The following CCDC102B variants were observed in gnomAD, a reference collection of about 807,000 sequenced individuals.
CCDC102B encodes the protein coiled-coil domain-containing protein 102B.
CCDC102B carries 75 observed loss-of-function variants against 57.4 expected under a neutral mutation model. The observed-to-expected ratio is 1.31, with a 90% confidence interval of 1.08 to 1.58. The LOEUF is 1.58. CCDC102B is among the 40% of genes most tolerant of loss of function. The pLI is 0.00. For missense variants in CCDC102B, 636 were observed against 582.6 expected (o/e 1.09, Z -0.94); for synonymous variants, 206 against 201.9 (o/e 1.02, Z -0.17).
chr18:69,020,431 G>A (rs1457523651), intron 7 of CCDC102B, among the ~76,000 whole-genome samples: 1 of 152,048 alleles, frequency 6.6e-6, no homozygotes, highest in Non-Finnish European at 1.5e-5. Context: ...AAGGGTTAAA[G>A]TCGAATACAA....
chr18:68,737,700 G>T (rs952923561), intron 2 of CCDC102B, among the ~76,000 whole-genome samples: 1 of 152,152 alleles, frequency 6.6e-6, no homozygotes, highest in African/African-American at 2.4e-5. Context: ...CTTCTGCTCT[G>T]TCTCAATTAT....
chr18:68,893,299 T>C (rs1260242697), intron 5 of CCDC102B, among the ~76,000 whole-genome samples: 1 of 152,170 alleles, frequency 6.6e-6, no homozygotes, highest in Non-Finnish European at 1.5e-5. Flanking sequence ...AGGCAATCAG[T>C]CTAAAAGGAG....
chr18:68,885,668 G>C (rs888582978), intron 5 of CCDC102B, among the ~76,000 whole-genome samples: 6 of 151,738 alleles, frequency 4.0e-5, no homozygotes, highest in Admixed American at 2.0e-4. Flanking sequence ...TAATAATATA[G>C]ATTAGAATAG....
intron 4 of CCDC102B, among the ~76,000 whole-genome samples, chr18:68,854,970 T>A (rs890093459): frequency 6.6e-6 from 1 of 152,200 alleles, no homozygotes; most frequent in Non-Finnish European, 1.5e-5. Context: ...ATTTTGTCAG[T>A]GATTTGATTG....
chr18:68,858,604 T>G (rs1807946310), intron 4 of CCDC102B, among the ~76,000 whole-genome samples: 1 of 152,136 alleles, frequency 6.6e-6, no homozygotes, highest in Non-Finnish European at 1.5e-5. Context: ...GGAAAAGTAC[T>G]GGAGGATGTT....
chr18:68,823,828 CAT>C (rs957548834), intron 1 of CCDC102B, among the ~76,000 whole-genome samples: 1 of 152,018 alleles, frequency 6.6e-6, no homozygotes, highest in African/African-American at 2.4e-5. Flanking sequence ...CATCTTTTCA[CAT>C]GTTTGTTGAC....
intron 6 of CCDC102B, among the ~76,000 whole-genome samples, chr18:68,950,047 C>T (rs2145193593): frequency 6.6e-6 from 1 of 152,202 alleles, no homozygotes; most frequent in African/African-American, 2.4e-5. Context: ...TCTGTCTAAG[C>T]TGACAACCTA....
At chr18:68,870,856 T>G (rs1331505902) in intron 4 of CCDC102B, among the ~76,000 whole-genome samples, 10 of 152,204 alleles carry the variant, frequency 6.6e-5, no homozygotes, top group Non-Finnish European at 1.5e-5. Context: ...GGTTAAAATG[T>G]GAGGCAAAAT....
At chr18:68,802,522 A>G (rs1333229604) in intron 1 of CCDC102B, among the ~76,000 whole-genome samples, 1 of 152,170 alleles carries the variant, frequency 6.6e-6, no homozygotes, top group Non-Finnish European at 1.5e-5. Context: ...CTGATAATGT[A>G]GATTAATGGG....
At chr18:68,933,501 T>G (rs2145146937) in intron 6 of CCDC102B, among the ~76,000 whole-genome samples, 1 of 152,042 alleles carries the variant, frequency 6.6e-6, no homozygotes, top group South Asian at 2.1e-4. Context: ...CATTTGACTT[T>G]CTTGGGTATT....
chr18:68,817,694 A>T (rs1313983203), intron 1 of CCDC102B, among the ~76,000 whole-genome samples: 1 of 152,208 alleles, frequency 6.6e-6, no homozygotes, highest in Admixed American at 6.5e-5. Context: ...AAATGTTCTT[A>T]GTCATGTGTG....
intron 6 of CCDC102B, among the ~76,000 whole-genome samples, chr18:68,911,562 C>T (rs948151277): frequency 1.3e-4 from 19 of 149,808 alleles, no homozygotes; most frequent in Non-Finnish European, 2.2e-4. Context: ...ACCATCCTGG[C>T]TAACACGGTG....
At chr18:68,760,739 A>G (rs947251884) in intron 2 of CCDC102B, among the ~76,000 whole-genome samples, 26 of 152,094 alleles carry the variant, frequency 1.7e-4, no homozygotes, top group African/African-American at 5.5e-4. Flanking sequence ...TGATGTCTAA[A>G]TTTAGGTCTG....
intron 7 of CCDC102B, among the ~76,000 whole-genome samples, chr18:69,016,577 G>T (rs1024801404): frequency 1.3e-5 from 2 of 152,114 alleles, no homozygotes; most frequent in Non-Finnish European, 2.9e-5. Flanking sequence ...CAAATGCCTA[G>T]GTAATCTTAC....
chr18:69,025,134 C>A (rs73453715), intron 7 of CCDC102B, among the ~76,000 whole-genome samples: 5,349 of 151,836 alleles, frequency 0.035, 331 homozygotes, highest in African/African-American at 0.12. Context: ...ATGTCATGAC[C>A]TATAAAAAAA....
Position 69,054,095 on chromosome 18 carries a change from T to C in CCDC102B, c.1500T>C (p.Asn500=), listed in dbSNP as rs781617598. The change falls in exon 8 of 8, where the codon AAT becomes AAC. Residue 500 remains asparagine (N), a synonymous_variant. Transcript: ENST00000360242. The part of the protein sequence containing the change: ...QRSLDEEKER[N]ENLETELRHL... Reference sequence around the variant, plus strand: ...CTCTGGATGAAGAGAAAGAAAGAAATGAAAACTTAGAGACTGAACTCAGGC... The same window carrying C: ...CTCTGGATGAAGAGAAAGAAAGAAACGAAAACTTAGAGACTGAACTCAGGC... 1 of 1,607,234 alleles carries C rather than the reference T, an allele frequency of 6.2e-7. No homozygotes were observed. Among genetic ancestry groups the C allele is most frequent in the South Asian group, 1.1e-5 (1 of 90,160 alleles).
intron 7 of CCDC102B, among the ~76,000 whole-genome samples, chr18:69,043,302 A>G (rs1459712564): frequency 6.6e-6 from 1 of 152,084 alleles, no homozygotes; most frequent in African/African-American, 2.4e-5. Context: ...GAGACATTCC[A>G]TTGCCCAGGG....
At chr18:68,865,946 T>G (rs1337933911) in intron 4 of CCDC102B, among the ~76,000 whole-genome samples, 2 of 152,156 alleles carry the variant, frequency 1.3e-5, no homozygotes, top group Non-Finnish European at 2.9e-5. Context: ...TTAAACTTCT[T>G]CCATGTCTAT....
rs919769480 is a variant in CCDC102B, at chr18:68,867,849, A to G, written c.937-6820A>G. Among the ~76,000 whole-genome samples the G allele has an allele frequency of 1.9e-4, 29 of 152,040 alleles. No homozygotes were observed. In the East Asian group the frequency reaches 4.1e-3, roughly 21 times the overall value. On this transcript the variant is annotated intron_variant, in intron 4 of 7. Transcript: ENST00000360242. ...CTCGACAGGCTGAGGCAGGAGAATGACATGAACCCGGGAGGCGGAGCTTGC... is the reference window on the plus strand; with the variant it reads ...CTCGACAGGCTGAGGCAGGAGAATGGCATGAACCCGGGAGGCGGAGCTTGC...
Sources: gnomAD v4.1 joint callset for allele counts (sites outside exome capture counted in the v4.1 genomes callset) on GRCh38, gnomAD v4.1.1 for gene constraint, MANE v1.5 for transcripts, NCBI Gene and HGNC (gene_info 2026-07-23, HGNC 2026-07-21) for gene names.